The following DMD variants were observed in gnomAD, a reference collection of about 807,000 sequenced individuals.
The protein encoded by DMD is mutant dystrophin.
DMD carries 63 observed loss-of-function variants against 330.1 expected under a neutral mutation model. The ratio of observed to expected loss-of-function variants is 0.19; its 90% CI spans 0.16 to 0.24. The LOEUF is 0.24. Among genes scored for constraint, DMD ranks in the 10% least tolerant of loss-of-function variants. DMD has a pLI of 1.00. For synonymous variants in DMD, 1,223 were observed against 959.8 expected (o/e 1.27, Z -5.07); for missense variants, 3,344 against 2,684.1 (o/e 1.25, Z -5.43).
At chrX:33,257,173 A>G (rs1165302231) in intron 1 of DMD, among the ~76,000 whole-genome samples, 1 of 111,097 alleles carries the variant, frequency 9.0e-6, no homozygotes, top group African/African-American at 3.3e-5. Context: ...TAATGTAAAT[A>G]CCACTTTCGT....
chrX:32,454,932 T>C, intron 25 of DMD, 100 bp from the exon 26 acceptor site: 2 of 1,000,907 alleles, frequency 2.0e-6, no homozygotes, highest in Non-Finnish European at 1.4e-6. Context: ...GCTTAGATAG[T>C]AATGATAAAG....
chrX:32,105,239 A>G (rs183569990), intron 44 of DMD, among the ~76,000 whole-genome samples: 229 of 111,809 alleles, frequency 2.0e-3, no homozygotes, highest in African/African-American at 6.7e-3. Flanking sequence ...AAGAATTGTA[A>G]CATTAAGAGA....
At chrX:31,931,926 G>T (rs2094859443) in intron 46 of DMD, among the ~76,000 whole-genome samples, 154 bp downstream of exon 46, 1 of 111,085 alleles carries the variant, frequency 9.0e-6, no homozygotes, top group South Asian at 3.8e-4. Flanking sequence ...GTTCAGAACT[G>T]CAGGGTTAAG....
intron 7 of DMD, among the ~76,000 whole-genome samples, chrX:32,733,107 G>A (rs2067942626): frequency 9.3e-6 from 1 of 107,849 alleles, no homozygotes; most frequent in African/African-American, 3.5e-5. Flanking sequence ...GGCAGGGGTT[G>A]CAATCCTAGT....
At chrX:32,847,524 T>G (rs772773592) in intron 3 of DMD, among the ~76,000 whole-genome samples, 5 of 112,375 alleles carry the variant, frequency 4.4e-5, no homozygotes, top group Non-Finnish European at 9.4e-5. Context: ...ACAGAAACTA[T>G]TAGAATTCAA....
chrX:31,808,425 G>A (rs867449415), intron 50 of DMD, among the ~76,000 whole-genome samples: 22 of 111,782 alleles, frequency 2.0e-4, no homozygotes, highest in Middle Eastern at 4.6e-3. Context: ...AGAGATTTGC[G>A]TCTGTAAACT....
At position 32,612,554 on chromosome X, in the gene DMD, C is replaced by T. The variant is rs146615653; in HGVS notation, c.1482+1749G>A. ...CCCAGGGAAGCCAACGGGTTGGACA[C>T]CCCTGGTTTATATAGACACTTTCTG... On this transcript the variant is annotated intron_variant, in intron 12 of 78. Transcript: ENST00000357033. Among the ~76,000 whole-genome samples the T allele has an allele frequency of 1.2e-4, 13 of 111,652 alleles. No homozygotes were observed. The East Asian group carries it at 3.4e-3, about 29-fold the overall frequency.
At chrX:31,926,014 C>T (rs186161057) in intron 47 of DMD, among the ~76,000 whole-genome samples, 1 of 110,894 alleles carries the variant, frequency 9.0e-6, no homozygotes, top group East Asian at 2.8e-4. Context: ...GCGAGAGAGC[C>T]TCCTACACCC....
At chrX:31,709,268 CTCAATCAATCAA>C (rs1057389355) in intron 52 of DMD, among the ~76,000 whole-genome samples, 5 of 111,327 alleles carry the variant, frequency 4.5e-5, no homozygotes, top group Non-Finnish European at 9.4e-5. Flanking sequence ...GAGACTCTGA[CTCAATCAATCAA>C]TCAATCAATC....
rs1556500802 is a variant in DMD at position 31,321,607 on chromosome X, A to AGAAAG, written c.9224+1990_9224+1991insCTTTC. Among the ~76,000 whole-genome samples the AGAAAG allele has an allele frequency of 3.6e-4, 32 of 89,273 alleles. 1 individual carries two copies. Among genetic ancestry groups the AGAAAG allele is most frequent in the African/African-American group, 1.8e-3 (31 of 16,983 alleles). The allele number at this position is 89,273 out of a possible 115,157, so 77.5% of individuals were successfully genotyped here. ...TCAAAAAAAAAAAAAAAAAAAAAAA[A>AGAAAG]AAAGAAAGAAACCAAGATTTTTATA... On this transcript the variant is annotated intron_variant, in intron 62 of 78. Coordinates refer to ENST00000357033, the MANE Select transcript of DMD (RefSeq NM_004006.3).
intron 60 of DMD, among the ~76,000 whole-genome samples, chrX:31,372,158 G>C (rs2059624373): frequency 9.0e-6 from 1 of 111,528 alleles, no homozygotes; most frequent in African/African-American, 3.3e-5. Flanking sequence ...GCTTATCTTA[G>C]ACTACCTGAT....
intron 59 of DMD, among the ~76,000 whole-genome samples, chrX:31,468,409 T>G (rs2067020751): frequency 8.9e-6 from 1 of 112,393 alleles, no homozygotes. Flanking sequence ...CATTTCTGCC[T>G]TAATTTCCTT....
chrX:32,780,848 T>G (rs989387793), intron 7 of DMD, among the ~76,000 whole-genome samples: 8 of 109,582 alleles, frequency 7.3e-5, no homozygotes, highest in Non-Finnish European at 1.5e-4. Context: ...CACTCGCACT[T>G]TCAGAGGCCG....
chrX:33,301,055 G>T (rs1327028827), intron 1 of DMD, among the ~76,000 whole-genome samples: 1 of 111,683 alleles, frequency 9.0e-6, no homozygotes, highest in African/African-American at 3.3e-5. Context: ...CTGTCCTTCA[G>T]TATTTTGCAT....
chrX:31,176,805 A>AT (rs1431272484), intron 71 of DMD, among the ~76,000 whole-genome samples: 1 of 111,294 alleles, frequency 9.0e-6, no homozygotes, highest in Non-Finnish European at 1.9e-5. Context: ...ATATCTCAAA[A>AT]TTAAGGGGCG....
intron 55 of DMD, among the ~76,000 whole-genome samples, chrX:31,598,092 ATGTG>A (rs1396346639): frequency 9.4e-6 from 1 of 106,880 alleles, no homozygotes; most frequent in Admixed American, 1.0e-4. Context: ...ACGCAAATAT[ATGTG>A]TGTGTATCTT....
intron 2 of DMD, among the ~76,000 whole-genome samples, chrX:33,008,998 A>C (rs1185568856): frequency 2.0e-5 from 2 of 99,525 alleles, no homozygotes; most frequent in African/African-American, 3.6e-5. Flanking sequence ...ATACGTGTGT[A>C]TATATACACA....
intron 1 of DMD, among the ~76,000 whole-genome samples, chrX:33,067,353 T>C (rs1216904998): frequency 2.7e-5 from 3 of 112,381 alleles, no homozygotes; most frequent in Admixed American, 9.4e-5. Context: ...CTAATTGGAA[T>C]GGGACATGAA....
At chrX:31,293,677 C>A (rs1306515969) in intron 62 of DMD, among the ~76,000 whole-genome samples, 1 of 112,061 alleles carries the variant, frequency 8.9e-6, no homozygotes, top group Non-Finnish European at 1.9e-5. Context: ...TCTCCCCATA[C>A]TTGCTGCTTT....
Sources: gnomAD v4.1 joint callset for allele counts (sites outside exome capture counted in the v4.1 genomes callset) on GRCh38, gnomAD v4.1.1 for gene constraint, MANE v1.5 for transcripts, NCBI Gene and HGNC (gene_info 2026-07-23, HGNC 2026-07-21) for gene names.